PARD3: variants seen among roughly 807,000 people sequenced by gnomAD.
PARD3 encodes partitioning defective 3 homolog.
In PARD3, 75 loss-of-function variants were observed where a neutral mutation model predicts 155.4. The ratio of observed to expected loss-of-function variants is 0.48; its 90% CI spans 0.40 to 0.58. PARD3 has a LOEUF of 0.58. PARD3 is among the 20% of genes least tolerant of loss of function. The probability of loss-of-function intolerance (pLI) is 0.00; values close to 1 mark genes in which losing one functional copy is unlikely to be tolerated. For synonymous variants in PARD3, 576 were observed against 610.5 expected (o/e 0.94, Z 0.83); for missense variants, 1,642 against 1,721.7 (o/e 0.95, Z 0.82).
chr10:34,480,773 T>C (rs1287542166), intron 3 of PARD3, among the ~76,000 whole-genome samples: 4 of 151,412 alleles, frequency 2.6e-5, no homozygotes, highest in Non-Finnish European at 5.9e-5. Flanking sequence ...GCTACAGGGG[T>C]ACATCTGCAG....
intron 2 of PARD3, among the ~76,000 whole-genome samples, chr10:34,602,518 T>G (rs2089879594): frequency 6.6e-6 from 1 of 152,088 alleles, no homozygotes; most frequent in South Asian, 2.1e-4. Context: ...AAAATGAAAA[T>G]ACTCTTAAAT....
At chr10:34,369,026 T>TA (rs1265839072) in intron 12 of PARD3, among the ~76,000 whole-genome samples, 1 of 147,388 alleles carries the variant, frequency 6.8e-6, no homozygotes, top group African/African-American at 2.7e-5. Flanking sequence ...GCTTTTTTTT[T>TA]TCCCCCCTCA....
chr10:34,669,110 T>C (rs2093559177), intron 2 of PARD3, among the ~76,000 whole-genome samples: 1 of 152,106 alleles, frequency 6.6e-6, no homozygotes, highest in Admixed American at 6.6e-5. Context: ...CACTACTAGG[T>C]ATCTACCCAA....
At chr10:34,141,606 G>C (rs1013789327) in intron 22 of PARD3, among the ~76,000 whole-genome samples, 7 of 152,126 alleles carry the variant, frequency 4.6e-5, no homozygotes, top group Admixed American at 2.6e-4. Context: ...TGGGTAACAG[G>C]ACTATCATTT....
chr10:34,571,149 A>G (rs989163966), intron 2 of PARD3, among the ~76,000 whole-genome samples: 2 of 152,134 alleles, frequency 1.3e-5, no homozygotes, highest in African/African-American at 4.8e-5. Context: ...TATCTCTACA[A>G]AAAATTGTAA....
chr10:34,421,271 T>C (rs1442390552), intron 5 of PARD3, among the ~76,000 whole-genome samples: 1 of 151,606 alleles, frequency 6.6e-6, no homozygotes. Flanking sequence ...TATTAACATA[T>C]ATAAGTTATT....
chr10:34,609,383 T>A (rs1407259673), intron 2 of PARD3, among the ~76,000 whole-genome samples: 1 of 152,116 alleles, frequency 6.6e-6, no homozygotes, highest in Non-Finnish European at 1.5e-5. Flanking sequence ...TTTGTAAAAA[T>A]GGAAATTTCA....
chr10:34,628,322 C>T (rs1396542177), intron 2 of PARD3, among the ~76,000 whole-genome samples: 1 of 152,198 alleles, frequency 6.6e-6, no homozygotes, highest in Admixed American at 6.5e-5. Flanking sequence ...ACCAGTGACT[C>T]TGTGTACATA....
chr10:34,678,601 T>C (rs1010422739), intron 2 of PARD3, among the ~76,000 whole-genome samples: 3 of 152,092 alleles, frequency 2.0e-5, no homozygotes, highest in South Asian at 4.2e-4. Flanking sequence ...CTTGTTAGTA[T>C]TGCAGCATAC....
At chr10:34,560,500 AC>A (rs1472586982) in intron 2 of PARD3, among the ~76,000 whole-genome samples, 2 of 152,266 alleles carry the variant, frequency 1.3e-5, no homozygotes, top group Admixed American at 6.5e-5. Context: ...TCACAAAAAA[AC>A]AAAACAATCT....
chr10:34,750,747 G>A (rs1835927248), intron 1 of PARD3, among the ~76,000 whole-genome samples: 1 of 148,326 alleles, frequency 6.7e-6, no homozygotes, highest in Non-Finnish European at 1.5e-5. Context: ...GGAGTGCAGT[G>A]GCACGATCTT....
At chr10:34,156,882 AAAGGT>A (rs1431475001) in intron 22 of PARD3, among the ~76,000 whole-genome samples, 2 of 152,220 alleles carry the variant, frequency 1.3e-5, no homozygotes, top group Non-Finnish European at 2.9e-5. Context: ...AGTGAAGAAA[AAAGGT>A]AACCATGAAG....
At chr10:34,719,259 T>A (rs561082806) in intron 1 of PARD3, among the ~76,000 whole-genome samples, 29 of 152,320 alleles carry the variant, frequency 1.9e-4, no homozygotes, top group Non-Finnish European at 3.8e-4. Flanking sequence ...CAATGTAATA[T>A]ACCACCAACA....
intron 5 of PARD3, among the ~76,000 whole-genome samples, chr10:34,422,322 A>G (rs1014661865): frequency 6.6e-6 from 1 of 152,148 alleles, no homozygotes; most frequent in Admixed American, 6.6e-5. Flanking sequence ...CTGTTTAAGA[A>G]TAACGTATAT....
intron 2 of PARD3, among the ~76,000 whole-genome samples, chr10:34,585,021 C>A (rs1436866623): frequency 6.6e-6 from 1 of 152,014 alleles, no homozygotes; most frequent in Non-Finnish European, 1.5e-5. Flanking sequence ...TCATAAAAAA[C>A]AAAAAGAAAA....
At chr10:34,209,411 C>T (rs1951633413) in intron 22 of PARD3, among the ~76,000 whole-genome samples, 2 of 152,122 alleles carry the variant, frequency 1.3e-5, no homozygotes, top group Admixed American at 6.5e-5. Flanking sequence ...GGGGCAGTAA[C>T]GGAGTTTGAG....
chr10:34,454,484 T>C (rs10218852), intron 4 of PARD3, among the ~76,000 whole-genome samples: 19,941 of 152,148 alleles, frequency 0.13, 4,174 homozygotes, highest in African/African-American at 0.44. Context: ...AGACTATATA[T>C]GCTCACTTAT....
chr10:34,360,249 T>A lies in PARD3; in HGVS notation c.1718A>T (p.Asp573Val). ...ATCAGGTGTAAGAACAATATCCTCA[T>A]CTTCTGCTTTCTAATAGGGAACAAA... is the stretch of plus-strand genomic sequence containing the variant. The part of the protein sequence containing the change: ...MQIPKETKAE[D>V]EDIVLTPDGT... The change falls in exon 13 of 25, where the codon GAT becomes GTT. Residue 573 changes from aspartate (D) to valine (V), a missense_variant. Physicochemically the swap from Asp to Val is radical, Grantham distance 152. Transcript: ENST00000374788. The A allele has an allele frequency of 2.5e-6, 4 of 1,611,854 alleles. No individual in the cohort carries two copies. The highest frequency in any genetic ancestry group is 3.4e-6 in the Non-Finnish European group (4 of 1,177,926).
intron 7 of PARD3, among the ~76,000 whole-genome samples, chr10:34,385,164 G>A (rs537324701): frequency 5.3e-5 from 8 of 151,996 alleles, no homozygotes; most frequent in South Asian, 4.2e-4. Context: ...ATGGAGTTTC[G>A]TTCTTGTCGT....
Sources: allele counts gnomAD v4.1 joint callset (sites outside exome capture counted in the v4.1 genomes callset), GRCh38; gene constraint gnomAD v4.1.1; transcripts MANE v1.5; gene names NCBI Gene and HGNC (gene_info 2026-07-23, HGNC 2026-07-21).